The following TMEM74 variants were observed in gnomAD, a reference collection of about 807,000 sequenced individuals.
TMEM74 encodes the protein transmembrane protein 74.
Under a neutral mutation model 18.1 loss-of-function variants are expected in TMEM74, and 13 were observed. That is an observed-to-expected ratio of 0.72 (90% CI 0.47 to 1.14). TMEM74 has a LOEUF of 1.14. Ranked by LOEUF, TMEM74 falls within the 50% of genes most tolerant of loss-of-function variation. The pLI is 0.00. For missense variants in TMEM74, 372 were observed against 375.9 expected (o/e 0.99, Z 0.09); for synonymous variants, 159 against 146.6 (o/e 1.08, Z -0.61).
chr8:108,780,506 A>G lies in TMEM74; in HGVS notation c.*3675T>C, dbSNP rs1004240467. ...ATTTATCAAGATTAAGTCACCCCTT[A>G]TACTGGGGGGACTGAGGTAAAGGCA... On this transcript the variant is annotated 3_prime_UTR_variant, in exon 2 of 2. Coordinates refer to ENST00000297459, the MANE Select transcript of TMEM74 (RefSeq NM_153015.3). 1.1e-4 allele frequency among the ~76,000 whole-genome samples: 17 copies of G among 152,174 alleles called. No homozygotes were observed. The highest frequency in any genetic ancestry group is 2.6e-4 in the Admixed American group (4 of 15,272).
chr8:108,668,542 T>C (rs1223704269), intron 1 of TMEM74, among the ~76,000 whole-genome samples: 21 of 151,846 alleles, frequency 1.4e-4, no homozygotes, highest in Admixed American at 1.4e-3. Context: ...CCCTGTGAGA[T>C]AAGCCTGACA....
chr8:108,702,999 G>T (rs181250919), intron 1 of TMEM74, among the ~76,000 whole-genome samples: 1 of 151,932 alleles, frequency 6.6e-6, no homozygotes, highest in Admixed American at 6.6e-5. Flanking sequence ...AGCACTGGAA[G>T]GGGTCATGGA....
chr8:108,615,100 AG>A (rs1422120088), intron 2 of TMEM74, among the ~76,000 whole-genome samples: 1 of 152,174 alleles, frequency 6.6e-6, no homozygotes, highest in East Asian at 1.9e-4. Flanking sequence ...AGTTTGTTAG[AG>A]GGGATACATA....
intron 2 of TMEM74, among the ~76,000 whole-genome samples, chr8:108,642,986 A>G (rs1336487079): frequency 6.6e-6 from 1 of 152,196 alleles, no homozygotes; most frequent in Non-Finnish European, 1.5e-5. Context: ...AACATTTATG[A>G]GCACTCACTA....
chr8:108,630,878 C>G (rs992796335), intron 2 of TMEM74, among the ~76,000 whole-genome samples: 1 of 151,834 alleles, frequency 6.6e-6, no homozygotes. Context: ...AGTTCCATGT[C>G]ACAGGAGTCA....
At chr8:108,655,016 G>A (rs1812808192) in intron 2 of TMEM74, among the ~76,000 whole-genome samples, 1 of 152,046 alleles carries the variant, frequency 6.6e-6, no homozygotes, top group South Asian at 2.1e-4. Context: ...TATTAGATTG[G>A]TAGTCATTTT....
chr8:108,659,857 G>A (rs548700592), intron 1 of TMEM74, among the ~76,000 whole-genome samples: 6 of 152,136 alleles, frequency 3.9e-5, no homozygotes, highest in Admixed American at 2.0e-4. Flanking sequence ...AGACCATGCC[G>A]TTCCTGGACT....
In TMEM74 at chr8:108,745,304, A is replaced by G. The variant is rs558040758; in HGVS notation, n.119+42172T>C. Among the ~76,000 whole-genome samples the G allele has an allele frequency of 2.0e-5, 3 of 152,260 alleles. No individual in the cohort carries two copies. In the East Asian group the frequency reaches 5.8e-4, roughly 29 times the overall value. ...GCTGGTAATTATGGTCTCTGTTGTA[A>G]CTACTTAACTCTGCTGTTGGAGGGC... is the stretch of plus-strand genomic sequence containing the variant. On this transcript the variant is annotated intron_variant and non_coding_transcript_variant, in intron 1 of 3. Coordinates refer to the TMEM74 transcript ENST00000518838.
chr8:108,725,835 A>G (rs1813631990), intron 1 of TMEM74, among the ~76,000 whole-genome samples: 1 of 152,210 alleles, frequency 6.6e-6, no homozygotes. Context: ...CAGAAATTTG[A>G]GATTTATTTT....
intron 1 of TMEM74, among the ~76,000 whole-genome samples, chr8:108,725,076 T>C (rs936341043): frequency 1.3e-5 from 2 of 152,182 alleles, no homozygotes; most frequent in African/African-American, 2.4e-5. Context: ...CAAGACACCA[T>C]GTTTAGGCCC....
At chr8:108,609,106 C>G (rs765290442) in intron 2 of TMEM74, among the ~76,000 whole-genome samples, 1 of 152,142 alleles carries the variant, frequency 6.6e-6, no homozygotes, top group Non-Finnish European at 1.5e-5. Flanking sequence ...TATGGTTTCC[C>G]TCTTTGATCA....
At position 108,639,728 on chromosome 8, in the gene TMEM74, A is replaced by G. The variant is rs572779064; in HGVS notation, n.264+15565T>C. On this transcript the variant is annotated intron_variant and non_coding_transcript_variant, in intron 2 of 3. Transcript: ENST00000518838. Reference sequence around the variant, plus strand: ...CCCTCCAGTCATAATGACAATTAAAAATGCACCCACAGTACTTTTGATGAC... The same window carrying G: ...CCCTCCAGTCATAATGACAATTAAAGATGCACCCACAGTACTTTTGATGAC... Among the ~76,000 whole-genome samples the G allele has an allele frequency of 4.6e-5, 7 of 152,218 alleles. No individual in the cohort carries two copies. The East Asian group carries it at 1.4e-3, about 29-fold the overall frequency.
chr8:108,681,583 T>C (rs1211734308), intron 1 of TMEM74, among the ~76,000 whole-genome samples: 1 of 152,172 alleles, frequency 6.6e-6, no homozygotes, highest in Non-Finnish European at 1.5e-5. Flanking sequence ...CTATAGACCA[T>C]ATAAGCTAGT....
chr8:108,701,229 T>C, intron 1 of TMEM74, among the ~76,000 whole-genome samples: 1 of 147,752 alleles, frequency 6.8e-6, no homozygotes, highest in South Asian at 2.1e-4. Flanking sequence ...CTCTACAAGC[T>C]AGGAATAGAG....
chr8:108,739,772 G>A (rs1265488028), intron 1 of TMEM74, among the ~76,000 whole-genome samples: 1 of 152,006 alleles, frequency 6.6e-6, no homozygotes, highest in Non-Finnish European at 1.5e-5. Context: ...GCTAGCTTGG[G>A]GACTGGGAGC....
At chr8:108,736,557 C>T (rs1335041487) in intron 1 of TMEM74, among the ~76,000 whole-genome samples, 1 of 151,952 alleles carries the variant, frequency 6.6e-6, no homozygotes, top group Non-Finnish European at 1.5e-5. Flanking sequence ...TGCACACATA[C>T]ACATGTGAAA....
intron 1 of TMEM74, among the ~76,000 whole-genome samples, chr8:108,670,320 T>C (rs1425407554): frequency 6.6e-6 from 1 of 152,180 alleles, no homozygotes; most frequent in African/African-American, 2.4e-5. Context: ...AGGCATTGGG[T>C]CAGAAGCACC....
intron 1 of TMEM74, among the ~76,000 whole-genome samples, chr8:108,667,709 T>A (rs1466374076): frequency 6.6e-6 from 1 of 152,180 alleles, no homozygotes. Flanking sequence ...CTCCTTTGTC[T>A]GCATAGTTTA....
intron 1 of TMEM74, among the ~76,000 whole-genome samples, chr8:108,678,238 A>T (rs74976366): frequency 5.9e-5 from 9 of 152,356 alleles, no homozygotes; most frequent in Non-Finnish European, 1.3e-4. Flanking sequence ...GATAACAAAA[A>T]TAATGGATTC....
Sources: allele counts gnomAD v4.1 joint callset (sites outside exome capture counted in the v4.1 genomes callset), GRCh38; gene constraint gnomAD v4.1.1; transcripts MANE v1.5; gene names NCBI Gene and HGNC (gene_info 2026-07-23, HGNC 2026-07-21).